The following CCN5 variants were observed in gnomAD, a reference collection of about 807,000 sequenced individuals.
The protein encoded by CCN5 is CCN family member 5.
Under a neutral mutation model 18.7 loss-of-function variants are expected in CCN5, and 17 were observed. That is an observed-to-expected ratio of 0.91 (90% CI 0.62 to 1.36). The LOEUF (loss-of-function observed/expected upper bound fraction) is 1.36. Ranked by LOEUF, CCN5 falls within the 40% of genes most tolerant of loss-of-function variation. CCN5 has a pLI of 0.00. For missense variants in CCN5, 367 were observed against 342.9 expected, an observed-to-expected ratio of 1.07 and a Z score of -0.56; for synonymous variants, 135 against 145.2, an observed-to-expected ratio of 0.93 and a Z score of 0.50.
At chr20:44,718,862 GCTTATTAAAAATAA>G in intron 1 of CCN5, among the ~76,000 whole-genome samples, 1 of 152,310 alleles carries the variant, frequency 6.6e-6, no homozygotes, top group South Asian at 2.1e-4. Context: ...CCACTGGACA[GCTTATTAAAAATAA>G]AGATTCCAGG....
chr20:44,715,229 T>TTGTGTGTGTGTGTG (rs746209770), upstream of CCN5: 14 of 517,538 alleles, frequency 2.7e-5, no homozygotes, highest in South Asian at 6.2e-5. Context: ...GCTAGTGTGT[T>TTGTGTGTGTGTGTG]TGTGTGTGTG....
At chr20:44,724,614 G>C (rs912111353) in intron 2 of CCN5, 124 bp from the exon 3 acceptor site, 27 of 1,462,256 alleles carry the variant, frequency 1.8e-5, no homozygotes, top group Non-Finnish European at 2.2e-5. Flanking sequence ...TCCTGGGCTG[G>C]AGCCCTGGGC....
In CCN5 at chr20:44,727,759, G is replaced by A. The variant is rs575466486; in HGVS notation, c.*452G>A. The A allele has an allele frequency of 5.6e-5, 15 of 269,292 alleles. 1 individual carries two copies. In the South Asian group the frequency reaches 2.0e-3, roughly 36 times the overall value. 16.7% of individuals were successfully genotyped at this position (269,292 alleles called of 1,614,324 possible). A position where few individuals can be genotyped will look rare whatever the true frequency, so the allele number is the denominator to read the frequency against. ...GGCACACAGAGATTCTGGATCTCCT[G>A]CTGCCTTTTCTGGAGTTTGTAAAAT... On this transcript the variant is annotated 3_prime_UTR_variant, in exon 4 of 4. Transcript: ENST00000190983.
rs566177656 is a variant in CCN5 at position 44,720,089 on chromosome 20, G to A, written c.253G>A (p.Gly85Ser). The change falls in exon 2 of 4, where the codon GGT becomes AGT. Residue 85 changes from glycine (G) to serine (S), a missense_variant. Transcript: ENST00000190983. Reference protein sequence around the residue: ...GLVCQPGAGPGGRGALCLLAE... With the variant: ...GLVCQPGAGPSGRGALCLLAE... The stretch of plus-strand genomic sequence containing the variant: ...GGTCTGCCAGCCCGGGGCAGGACCC[G>A]GTGGCCGGGGGGCCCTGTGCCTCTG... The A allele has an allele frequency of 1.5e-5, 23 of 1,559,354 alleles. No homozygotes were observed. Among genetic ancestry groups the A allele is most frequent in the African/African-American group, 5.4e-5 (4 of 74,262 alleles).
chr20:44,715,252 TGTGTGTGTGAGCGCGCGC>T (rs1321526894), upstream of CCN5: 14 of 518,466 alleles, frequency 2.7e-5, no homozygotes, highest in African/African-American at 3.5e-4. Context: ...TGTGTGTGTG[TGTGTGTGTGAGCGCGCGC>T]GCGCGCGCGC....
upstream of CCN5, chr20:44,715,112 A>ACG (rs1189481503): frequency 2.2e-6 from 1 of 456,026 alleles, no homozygotes; most frequent in Admixed American, 3.5e-5. Context: ...ACACACACAC[A>ACG]CACACACGGA....
At chr20:44,727,028 G>A (rs1432467440) in intron 3 of CCN5, 59 bp from the exon 4 acceptor site, 1 of 1,476,424 alleles carries the variant, frequency 6.8e-7, no homozygotes, top group African/African-American at 1.4e-5. Context: ...TGGCAGGTGG[G>A]TTGATTGAGC....
At chr20:44,723,692 T>C (rs964507822) in intron 2 of CCN5, 1 of 152,154 alleles carries the variant, frequency 6.6e-6, no homozygotes, top group African/African-American at 2.4e-5. Flanking sequence ...CTTACTTCAT[T>C]CTGTCTTGGA....
At position 44,719,063 on chromosome 20, in the gene CCN5, C is replaced by T. The variant is rs148694828; in HGVS notation, c.61-834C>T. 4.6e-5 allele frequency among the ~76,000 whole-genome samples: 7 copies of T among 152,260 alleles called. No homozygotes were observed. In the East Asian group the frequency reaches 1.4e-3, roughly 29 times the overall value. On this transcript the variant is annotated intron_variant, in intron 1 of 3. Transcript: ENST00000190983. ...TTTATTCAGTCCTAAGATAAGTATC[C>T]GTATGCTGGAAAATGTACCAGACCC... is the stretch of plus-strand genomic sequence containing the variant.
intron 2 of CCN5, among the ~76,000 whole-genome samples, chr20:44,722,366 C>T (rs540609395): frequency 4.6e-5 from 7 of 152,222 alleles, no homozygotes; most frequent in African/African-American, 1.4e-4. Context: ...CTTCCGCCCC[C>T]CAGAACGGCC....
At chr20:44,715,296 T>C (rs2065851323), upstream of CCN5, 3 of 1,145,332 alleles carry the variant, frequency 2.6e-6, no homozygotes, top group South Asian at 2.6e-5. Context: ...TACTCGTGCG[T>C]GTGCCTGTGT....
At chr20:44,716,140 C>T (rs1014853838) in intron 1 of CCN5, among the ~76,000 whole-genome samples, 31 of 152,172 alleles carry the variant, frequency 2.0e-4, no homozygotes, top group African/African-American at 7.2e-4. Flanking sequence ...AAAGGGTAAG[C>T]AACTTGCCCA....
chr20:44,726,942 A>G lies in CCN5; in HGVS notation c.533-145A>G, dbSNP rs202134843. On this transcript the variant is annotated intron_variant, in intron 3 of 3. Coordinates refer to ENST00000190983, the MANE Select transcript of CCN5 (RefSeq NM_003881.4). ...CCCATTATTTTATTCAATGCCATCC[A>G]CTGTTAAGAAATTTACATAACAAGA... 77 of 749,612 alleles carry G rather than the reference A, an allele frequency of 1.0e-4. 1 individual carries two copies. The highest frequency in any genetic ancestry group is 5.2e-4 in the South Asian group (25 of 48,106). The allele number at this position is 749,612 out of a possible 1,614,324, so 46.4% of individuals were successfully genotyped here.
At position 44,727,414 on chromosome 20, in the gene CCN5, G is replaced by T; in HGVS notation, c.*107G>T. ...GTCCGTGCCCAGGCCCTTGGCTGCA[G>T]GCAACACTTTAGCTTGGGTCCACCA... On this transcript the variant is annotated 3_prime_UTR_variant, in exon 4 of 4. Coordinates refer to ENST00000190983, the MANE Select transcript of CCN5 (RefSeq NM_003881.4). The T allele has an allele frequency of 6.9e-7, 1 of 1,451,142 alleles. No individual in the cohort carries two copies. The highest frequency in any genetic ancestry group is 2.8e-5 in the Admixed American group (1 of 35,756). The allele number at this position is 1,451,142 out of a possible 1,614,324, so 89.9% of individuals were successfully genotyped here.
At chr20:44,720,251 C>G in intron 2 of CCN5, 138 bp downstream of exon 2, 1 of 958,902 alleles carries the variant, frequency 1.0e-6, no homozygotes, top group Non-Finnish European at 1.6e-6. Flanking sequence ...TCCAGCTGAA[C>G]TTGGTGTCCC....
In CCN5 at chr20:44,727,204, C is replaced by T; in HGVS notation, c.650C>T (p.Ser217Phe). Residue 217 changes from serine to phenylalanine, a missense_variant, in exon 4 of 4, where the codon TCC (serine) becomes TTC (phenylalanine). By Grantham distance (155) the Ser-to-Phe change is radical. Transcript: ENST00000190983. ...GGGCTGGGCATGGCCACCCGGGTGT[C>T]CAACCAGAACCGCTTCTGCCGACTG... is the stretch of plus-strand genomic sequence containing the variant. ...TCGLGMATRV[S>F]NQNRFCRLET... 1 of 1,613,812 alleles carries T rather than the reference C, an allele frequency of 6.2e-7. No individual in the cohort carries two copies. The highest frequency in any genetic ancestry group is 8.5e-7 in the Non-Finnish European group (1 of 1,180,028).
At chr20:44,720,140 G>A (rs765918413) in intron 2 of CCN5, 27 bp downstream of exon 2, 9 of 1,536,462 alleles carry the variant, frequency 5.9e-6, no homozygotes, top group Non-Finnish European at 7.0e-6. Flanking sequence ...GACTGAGTGG[G>A]GGCGGGTGTG....
chr20:44,723,861 TC>T, intron 2 of CCN5: 1 of 152,400 alleles, frequency 6.6e-6, no homozygotes, highest in East Asian at 1.9e-4. Flanking sequence ...TCAGGGTCTC[TC>T]ATGTGCCAAG....
Position 44,727,461 on chromosome 20 carries a change from C to T in CCN5, c.*154C>T, listed in dbSNP as rs2281862. ...ACCATGCAGAACACCAATATTAACA[C>T]GCTGCCTGGTCTGTCTGGATCCCGA... On this transcript the variant is annotated 3_prime_UTR_variant, in exon 4 of 4. Coordinates refer to ENST00000190983, the MANE Select transcript of CCN5 (RefSeq NM_003881.4). 0.018 allele frequency: 25,882 copies of T among 1,436,258 alleles called. 2,188 individuals carry two copies. The Admixed American group carries it at 0.23, about 13-fold the overall frequency. The allele number at this position is 1,436,258 out of a possible 1,614,324, so 89.0% of individuals were successfully genotyped here.
Sources: allele counts gnomAD v4.1 joint callset (sites outside exome capture counted in the v4.1 genomes callset), GRCh38; gene constraint gnomAD v4.1.1; transcripts MANE v1.5; gene names NCBI Gene and HGNC (gene_info 2026-07-23, HGNC 2026-07-21).